The following SMPDL3A variants were observed in gnomAD, a reference collection of about 807,000 sequenced individuals.
SMPDL3A encodes the protein sphingomyelin phosphodiesterase acid like 3A.
SMPDL3A carries 39 observed loss-of-function variants against 38.5 expected under a neutral mutation model. The observed-to-expected ratio is 1.01, with a 90% CI of 0.78 to 1.32. The LOEUF is 1.32. Among genes scored for constraint, SMPDL3A ranks in the 40% most tolerant of loss-of-function variants. The pLI is 0.00. For synonymous variants in SMPDL3A, 180 were observed against 194.3 expected (o/e 0.93, Z 0.61); for missense variants, 502 against 536.2 (o/e 0.94, Z 0.63).
intron 7 of SMPDL3A, among the ~76,000 whole-genome samples, chr6:122,807,519 GA>G (rs1225158825): frequency 2.0e-5 from 3 of 152,032 alleles, no homozygotes; most frequent in Non-Finnish European, 4.4e-5. Flanking sequence ...AAAATAAAGG[GA>G]AAAAAATTGA....
chr6:122,806,196 T>C (rs756731369), intron 6 of SMPDL3A, 37 bp from the exon 7 acceptor site: 2 of 1,564,420 alleles, frequency 1.3e-6, no homozygotes, highest in Admixed American at 3.7e-5. Flanking sequence ...AAACTCTTAT[T>C]TAAAAATGTA....
At chr6:122,798,847 T>C (rs1180492641) in intron 3 of SMPDL3A, among the ~76,000 whole-genome samples, 1 of 152,186 alleles carries the variant, frequency 6.6e-6, no homozygotes, top group Non-Finnish European at 1.5e-5. Context: ...TAGGGTAAAT[T>C]GGGCAGCCTA....
intron 1 of SMPDL3A, among the ~76,000 whole-genome samples, chr6:122,791,111 C>A (rs12524706): frequency 0.024 from 3,706 of 152,318 alleles, 300 homozygotes; most frequent in Admixed American, 0.17. Flanking sequence ...CTCAGCCCCA[C>A]ATGCTTGGAC....
At chr6:122,794,024 A>AATAT (rs143213845) in intron 1 of SMPDL3A, among the ~76,000 whole-genome samples, 1 of 150,688 alleles carries the variant, frequency 6.6e-6, no homozygotes, top group Admixed American at 6.6e-5. Flanking sequence ...AGGATCATTG[A>AATAT]ATATATATAT....
chr6:122,802,215 T>A (rs1435094893), intron 4 of SMPDL3A, among the ~76,000 whole-genome samples: 8 of 108,008 alleles, frequency 7.4e-5, no homozygotes, highest in South Asian at 5.9e-4. Flanking sequence ...TTTTTTTTTT[T>A]ATTAAGATGG....
intron 1 of SMPDL3A, among the ~76,000 whole-genome samples, chr6:122,793,716 T>C (rs1781149805): frequency 6.6e-6 from 1 of 152,208 alleles, no homozygotes; most frequent in Admixed American, 6.5e-5. Context: ...AACATAAATA[T>C]GTCATGGAAT....
In SMPDL3A at chr6:122,789,458, G is replaced by C. The variant is rs1273157817; in HGVS notation, c.112G>C (p.Gly38Arg). 4.5e-6 allele frequency: 7 copies of C among 1,548,132 alleles called. No individual in the cohort carries two copies. Among genetic ancestry groups the C allele is most frequent in the Non-Finnish European group, 6.1e-6 (7 of 1,145,138 alleles). The change falls in exon 1 of 8, where the codon GGA becomes CGA. Residue 38 changes from glycine (G) to arginine (R), a missense_variant and splice_region_variant. Coordinates refer to ENST00000368440, the MANE Select transcript of SMPDL3A (RefSeq NM_006714.5). ...AGGRNPPPAIGQFWHVTDLHL... is the reference protein window; with the variant it reads ...AGGRNPPPAIRQFWHVTDLHL... ...CGGCAGGAATCCTCCTCCGGCGATAGGTGAGTTGTCCGCGACCCTTCTCTT... is the reference window on the plus strand; with the variant it reads ...CGGCAGGAATCCTCCTCCGGCGATACGTGAGTTGTCCGCGACCCTTCTCTT...
At chr6:122,792,666 C>T (rs775354935) in intron 1 of SMPDL3A, among the ~76,000 whole-genome samples, 1 of 141,488 alleles carries the variant, frequency 7.1e-6, no homozygotes, top group African/African-American at 2.6e-5. Context: ...GAGACAGGGT[C>T]TCTGTCACCC....
chr6:122,801,440 T>C (rs1781427566), intron 4 of SMPDL3A, 34 bp downstream of exon 4: 1 of 1,405,628 alleles, frequency 7.1e-7, no homozygotes, highest in Non-Finnish European at 1.0e-6. Context: ...CTATTTTGCC[T>C]CAATTTTTAT....
intron 1 of SMPDL3A, chr6:122,789,700 G>A (rs1781002959): frequency 2.1e-6 from 1 of 470,390 alleles, no homozygotes; most frequent in African/African-American, 2.1e-5. Context: ...CCTCGCCGGT[G>A]GGGGCGCTCC....
intron 4 of SMPDL3A, 23 bp from the exon 5 acceptor site, chr6:122,803,641 G>C (rs773752623): frequency 1.3e-6 from 2 of 1,581,770 alleles, no homozygotes; most frequent in East Asian, 4.5e-5. Context: ...TTTCCTAAAT[G>C]TGTTTTAAAA....
At position 122,803,653 on chromosome 6, in the gene SMPDL3A, T is replaced by C; in HGVS notation, c.569-11T>C. The C allele has an allele frequency of 6.2e-7, 1 of 1,602,128 alleles. No homozygotes were observed. The highest frequency in any genetic ancestry group is 8.5e-7 in the Non-Finnish European group (1 of 1,171,568). On this transcript the variant is annotated splice_polypyrimidine_tract_variant and intron_variant, in intron 4 of 7. Transcript: ENST00000368440. ...TGTTTTCCTAAATGTGTTTTAAAAT[T>C]GTTTTTATAGGTGGTTTTTATTCAC...
rs1041434132 is a variant in SMPDL3A, at chr6:122,805,105, G to A, written c.919+16G>A. ...GATAAAAAAGGTAATGTAATGCTGT[G>A]TTTGCATCTCCCCAGTCTAAGAGTC... On this transcript the variant is annotated intron_variant, in intron 6 of 7. Coordinates refer to ENST00000368440, the MANE Select transcript of SMPDL3A (RefSeq NM_006714.5). The A allele has an allele frequency of 2.5e-6, 4 of 1,577,116 alleles. No individual in the cohort carries two copies. The highest frequency in any genetic ancestry group is 3.4e-6 in the Non-Finnish European group (4 of 1,162,698).
chr6:122,804,543 G>A (rs1562354315), intron 5 of SMPDL3A, among the ~76,000 whole-genome samples: 2 of 151,914 alleles, frequency 1.3e-5, no homozygotes, highest in African/African-American at 4.8e-5. Context: ...ACTCTGGGGG[G>A]CTCGAACTCT....
intron 7 of SMPDL3A, among the ~76,000 whole-genome samples, chr6:122,807,085 G>C (rs766304589): frequency 0.011 from 938 of 84,640 alleles, 9 homozygotes; most frequent in African/African-American, 0.02. Flanking sequence ...TAGAGATGGG[G>C]GGGGGGGGTC....
intron 1 of SMPDL3A, among the ~76,000 whole-genome samples, chr6:122,791,307 A>G (rs930423863): frequency 6.6e-5 from 10 of 152,058 alleles, no homozygotes; most frequent in African/African-American, 2.4e-4. Context: ...TGGCTTGTGT[A>G]TTGGTACTGT....
At chr6:122,799,917 T>A (rs947861509) in intron 3 of SMPDL3A, among the ~76,000 whole-genome samples, 3 of 151,874 alleles carry the variant, frequency 2.0e-5, no homozygotes, top group Admixed American at 2.0e-4. Flanking sequence ...TTAAAAACAA[T>A]TATCCAATTC....
chr6:122,796,284 T>A (rs1781246927), intron 2 of SMPDL3A, among the ~76,000 whole-genome samples: 1 of 152,212 alleles, frequency 6.6e-6, no homozygotes, highest in Non-Finnish European at 1.5e-5. Context: ...CATTATAGGG[T>A]GAAGAGGCCC....
At chr6:122,805,974 T>C (rs1241251296) in intron 6 of SMPDL3A, among the ~76,000 whole-genome samples, 1 of 152,190 alleles carries the variant, frequency 6.6e-6, no homozygotes, top group Non-Finnish European at 1.5e-5. Context: ...ATATTCTATA[T>C]TCATTGCTAA....
Sources: allele counts gnomAD v4.1 joint callset (sites outside exome capture counted in the v4.1 genomes callset), GRCh38; gene constraint gnomAD v4.1.1; transcripts MANE v1.5; gene names NCBI Gene and HGNC (gene_info 2026-07-23, HGNC 2026-07-21).